PCDHGA6: variants seen among roughly 807,000 people sequenced by gnomAD.
PCDHGA6 encodes protocadherin gamma subfamily A, 6, also known as protocadherin gamma-A6.
A neutral mutation model predicts 60.6 loss-of-function variants in PCDHGA6; 41 were observed. The ratio of observed to expected loss-of-function variants is 0.68; its 90% CI spans 0.53 to 0.88. The LOEUF (loss-of-function observed/expected upper bound fraction) is 0.88, where lower values mean the gene tolerates loss of function less well. Among genes scored for constraint, PCDHGA6 ranks in the 40% least tolerant of loss-of-function variants. PCDHGA6 has a pLI of 0.00. For missense variants in PCDHGA6, 1,312 were observed against 1,203.0 expected (o/e 1.09, Z -1.34); for synonymous variants, 594 against 524.4 (o/e 1.13, Z -1.81).
In PCDHGA6 at chr5:141,511,351, C is replaced by A. The variant is rs1190324197; in HGVS notation, c.*178C>A. 11 of 1,386,432 alleles carry A rather than the reference C, an allele frequency of 7.9e-6. No individual in the cohort carries two copies. Among genetic ancestry groups the A allele is most frequent in the South Asian group, 4.5e-5 (3 of 67,158 alleles). The allele number at this position is 1,386,432 out of a possible 1,614,324, so 85.9% of individuals were successfully genotyped here. On this transcript the variant is annotated 3_prime_UTR_variant, in exon 4 of 4. Transcript: ENST00000517434. ...CCAGTCAGCACCTACCCCTTCCCCC[C>A]CAGGGGGTTGAATATGCAAAAGCAG...
intron 1 of PCDHGA6, among the ~76,000 whole-genome samples, chr5:141,450,750 G>C (rs778218781): frequency 1.1e-4 from 16 of 152,002 alleles, no homozygotes; most frequent in Admixed American, 2.0e-4. Context: ...GCCTCCCAAA[G>C]TGCCGGGATT....
intron 1 of PCDHGA6, chr5:141,421,919 TG>T: frequency 6.2e-7 from 1 of 1,613,642 alleles, no homozygotes; most frequent in Non-Finnish European, 8.5e-7. Flanking sequence ...CCCATTCGTG[TG>T]GTGGTCCTCG....
At chr5:141,433,096 C>A in intron 1 of PCDHGA6, 3 of 1,614,118 alleles carry the variant, frequency 1.9e-6, no homozygotes, top group Non-Finnish European at 2.5e-6. Context: ...CAGACATGCT[C>A]GTCAGCCAGG....
intron 1 of PCDHGA6, among the ~76,000 whole-genome samples, chr5:141,463,706 A>T (rs568865377): frequency 2.9e-3 from 440 of 152,024 alleles, no homozygotes; most frequent in Non-Finnish European, 4.6e-3. Context: ...TCGGCCTCCA[A>T]AAGTGCTGGG....
chr5:141,480,710 T>C (rs1174000425), intron 1 of PCDHGA6, among the ~76,000 whole-genome samples: 1 of 152,042 alleles, frequency 6.6e-6, no homozygotes, highest in East Asian at 1.9e-4. Context: ...CCCCGACAAA[T>C]GAAAGCACAG....
At chr5:141,389,793 C>G in intron 1 of PCDHGA6, 1 of 1,613,570 alleles carries the variant, frequency 6.2e-7, no homozygotes, top group Non-Finnish European at 8.5e-7. Flanking sequence ...GGACGCCGTC[C>G]GCCAGCGCCT....
rs951185891 is a variant in PCDHGA6, at chr5:141,494,814, C to T, written c.2432C>T (p.Pro811Leu). 7 of 1,614,152 alleles carry T rather than the reference C, an allele frequency of 4.3e-6. No individual in the cohort carries two copies. The highest frequency in any genetic ancestry group is 1.7e-5 in the Admixed American group (1 of 60,024). Residue 811 changes from proline to leucine, a missense_variant, in exon 2 of 4, where the codon CCG becomes CTG. By Grantham distance (98) the Pro-to-Leu change is moderately conservative (BLOSUM62 -3). Transcript: ENST00000517434. The part of the protein sequence containing the change: ...KGEPRQLQQA[P>L]PNTDWRFSQA... ...CCTCTGTTTTCTCCACAGCAAGCCCCGCCCAACACGGACTGGCGTTTCTCT... is the reference window on the plus strand; with the variant it reads ...CCTCTGTTTTCTCCACAGCAAGCCCTGCCCAACACGGACTGGCGTTTCTCT...
intron 1 of PCDHGA6, chr5:141,422,432 A>T: frequency 6.2e-7 from 1 of 1,609,448 alleles, no homozygotes; most frequent in South Asian, 1.1e-5. Context: ...TATGGAAATT[A>T]TTACAAATTG....
At chr5:141,502,666 T>C (rs962424461) in intron 2 of PCDHGA6, among the ~76,000 whole-genome samples, 10 of 152,234 alleles carry the variant, frequency 6.6e-5, no homozygotes, top group African/African-American at 2.2e-4. Context: ...CTTCATGCAA[T>C]TTTAGTATTC....
At chr5:141,429,929 T>A (rs2097253197) in intron 1 of PCDHGA6, among the ~76,000 whole-genome samples, 1 of 152,240 alleles carries the variant, frequency 6.6e-6, no homozygotes, top group African/African-American at 2.4e-5. Flanking sequence ...AATAGAATTC[T>A]GGAGTACTTC....
Position 141,413,476 on chromosome 5 carries a change from G to T in PCDHGA6, c.2424+36969G>T, listed in dbSNP as rs566734719. 2.1e-5 allele frequency: 34 copies of T among 1,614,004 alleles called. No homozygotes were observed. The South Asian group carries it at 3.7e-4, about 18-fold the overall frequency. ...CAGGATAGACCGGGAGGAGCTCTGC[G>T]CTCAGAGCGCGCGGTGCGTGGTGAG... On this transcript the variant is annotated intron_variant, in intron 1 of 3. Coordinates refer to ENST00000517434, the MANE Select transcript of PCDHGA6 (RefSeq NM_018919.3).
In PCDHGA6 at chr5:141,486,645, C is replaced by G. The variant is rs369948556; in HGVS notation, c.2425-8162C>G. ...GACTCTGGCTTGAATGCGCTTATCT[C>G]CTACTCACTCCTGGAGCCCAGGAAT... On this transcript the variant is annotated intron_variant, in intron 1 of 3. Coordinates refer to ENST00000517434, the MANE Select transcript of PCDHGA6 (RefSeq NM_018919.3). The surrounding 1 kb of genome is among the most constrained non-coding windows in gnomAD (Gnocchi z 5.0). 4.3e-6 allele frequency: 7 copies of G among 1,613,752 alleles called. No individual in the cohort carries two copies. The Admixed American group carries it at 6.7e-5, about 15-fold the overall frequency.
chr5:141,480,414 CA>C (rs10712552), intron 1 of PCDHGA6, among the ~76,000 whole-genome samples: 43,347 of 147,074 alleles, frequency 0.29, 6,620 homozygotes, highest in African/African-American at 0.4. Flanking sequence ...GACCCTGTCT[CA>C]AAAAAAAAAA....
Position 141,431,046 on chromosome 5 carries a change from G to A in PCDHGA6, c.2424+54539G>A, listed in dbSNP as rs1324139757. 7 of 1,614,240 alleles carry A rather than the reference G, an allele frequency of 4.3e-6. 1 individual carries two copies. The Admixed American group carries it at 1.0e-4, about 23-fold the overall frequency. ...GGCAGGATAGACCGGGAGGAGCTCTGTATGGGGGCCATCAAGTGTCAATTA... is the reference window on the plus strand; with the variant it reads ...GGCAGGATAGACCGGGAGGAGCTCTATATGGGGGCCATCAAGTGTCAATTA... On this transcript the variant is annotated intron_variant, in intron 1 of 3. Transcript: ENST00000517434. The surrounding 1 kb of genome is among the most constrained non-coding windows in gnomAD (Gnocchi z 4.8).
At chr5:141,404,265 T>G in intron 1 of PCDHGA6, 1 of 1,613,998 alleles carries the variant, frequency 6.2e-7, no homozygotes, top group Non-Finnish European at 8.5e-7. Context: ...GAAATTCACA[T>G]CACCCTGCAA....
chr5:141,377,889 C>T (rs914946378), intron 1 of PCDHGA6: 1 of 152,056 alleles, frequency 6.6e-6, no homozygotes, highest in Non-Finnish European at 1.5e-5. Flanking sequence ...AGATAGGATC[C>T]CCCTCTGTTG....
intron 2 of PCDHGA6, 105 bp downstream of exon 2, chr5:141,494,970 C>T (rs1352514628): frequency 1.9e-6 from 3 of 1,584,974 alleles, no homozygotes; most frequent in East Asian, 4.6e-5. Context: ...GATGGCTTCT[C>T]CCTCAGTTTG....
chr5:141,390,183 T>C (rs532412915), intron 1 of PCDHGA6: 2 of 1,614,034 alleles, frequency 1.2e-6, no homozygotes, highest in Admixed American at 1.7e-5. Context: ...TTTCCTAAAA[T>C]GTAGTGAGCA....
Position 141,432,670 on chromosome 5 carries a change from G to A in PCDHGA6, c.2424+56163G>A, listed in dbSNP as rs749221752. ...CGCGAGCCCTGCTGGACAGAGACGC[G>A]CTCAAGCAGAGCCTCGTAGTGGCCG... On this transcript the variant is annotated intron_variant, in intron 1 of 3. Coordinates refer to ENST00000517434, the MANE Select transcript of PCDHGA6 (RefSeq NM_018919.3). The surrounding 1 kb of genome is among the most constrained non-coding windows in gnomAD (Gnocchi z 6.0). The A allele has an allele frequency of 6.8e-6, 11 of 1,613,748 alleles. No individual in the cohort carries two copies. The East Asian group carries it at 1.8e-4, about 26-fold the overall frequency.
Sources: gnomAD v4.1 joint callset for allele counts (sites outside exome capture counted in the v4.1 genomes callset) on GRCh38, gnomAD v4.1.1 for gene constraint, Gnocchi (gnomAD v3.1) non-coding constraint, MANE v1.5 for transcripts, NCBI Gene and HGNC (gene_info 2026-07-23, HGNC 2026-07-21) for gene names.